The following GRIK4 variants were observed in gnomAD, a reference collection of about 807,000 sequenced individuals.
GRIK4 encodes glutamate receptor ionotropic, kainate 4.
In GRIK4, 40 loss-of-function variants were observed where a neutral mutation model predicts 104.9. The observed-to-expected ratio is 0.38, with a 90% CI of 0.30 to 0.50. The LOEUF (loss-of-function observed/expected upper bound fraction) is 0.50. GRIK4 is among the 20% of genes least tolerant of loss of function. The pLI is 0.93. For synonymous variants in GRIK4, 485 were observed against 524.9 expected (o/e 0.92, Z 1.04); for missense variants, 1,047 against 1,308.1 (o/e 0.80, Z 3.08).
intron 3 of GRIK4, among the ~76,000 whole-genome samples, chr11:120,789,155 G>A (rs1045684390): frequency 3.9e-5 from 6 of 152,074 alleles, no homozygotes; most frequent in Non-Finnish European, 8.8e-5. Flanking sequence ...GGGGACTCCC[G>A]GGTCTCCGTG....
chr11:120,935,648 CA>C (rs1207117789), intron 13 of GRIK4, among the ~76,000 whole-genome samples: 1 of 152,182 alleles, frequency 6.6e-6, no homozygotes, highest in African/African-American at 2.4e-5. Flanking sequence ...GTTGCAATTA[CA>C]GAGTGGTACT....
intron 3 of GRIK4, among the ~76,000 whole-genome samples, chr11:120,668,590 C>T (rs564713242): frequency 5.8e-4 from 89 of 152,236 alleles, no homozygotes; most frequent in Non-Finnish European, 7.3e-5. Flanking sequence ...CCCATGTCTC[C>T]CTCTCCTCTC....
At chr11:120,884,351 G>T (rs1592036153) in intron 11 of GRIK4, among the ~76,000 whole-genome samples, 2 of 152,190 alleles carry the variant, frequency 1.3e-5, no homozygotes, top group Non-Finnish European at 2.9e-5. Flanking sequence ...ATCTTTGTGT[G>T]CCGTATTCCC....
chr11:120,645,676 A>G (rs1324379343), intron 1 of GRIK4, among the ~76,000 whole-genome samples: 1 of 152,136 alleles, frequency 6.6e-6, no homozygotes, highest in Non-Finnish European at 1.5e-5. Context: ...AGATCTGTTG[A>G]GGGACTGGGC....
At chr11:120,514,428 G>C (rs1947699233) in intron 1 of GRIK4, among the ~76,000 whole-genome samples, 1 of 152,190 alleles carries the variant, frequency 6.6e-6, no homozygotes, top group Non-Finnish European at 1.5e-5. Flanking sequence ...CTCCACAGCT[G>C]GGTCCCAGGC....
intron 11 of GRIK4, among the ~76,000 whole-genome samples, chr11:120,883,656 A>C (rs972961685): frequency 1.3e-5 from 2 of 152,228 alleles, no homozygotes; most frequent in Admixed American, 6.5e-5. Context: ...GCTTTGATGG[A>C]AAATTCACTG....
chr11:120,645,643 G>T (rs538291131), intron 1 of GRIK4, among the ~76,000 whole-genome samples: 2 of 152,194 alleles, frequency 1.3e-5, no homozygotes. Context: ...CATGGTTGGT[G>T]TAGGTGATCT....
At chr11:120,788,015 A>G (rs1952323938) in intron 3 of GRIK4, among the ~76,000 whole-genome samples, 1 of 146,706 alleles carries the variant, frequency 6.8e-6, no homozygotes, top group South Asian at 2.2e-4. Context: ...GCAGGCGCAC[A>G]CCACCACGCC....
chr11:120,841,216 C>T (rs1953706582), intron 8 of GRIK4, among the ~76,000 whole-genome samples: 1 of 152,132 alleles, frequency 6.6e-6, no homozygotes. Context: ...ACCTCCAGAA[C>T]ATTTTTCACC....
At position 120,917,247 on chromosome 11, in the gene GRIK4, CAAAAAAAAAAAAA is replaced by C. The variant is rs199620498; in HGVS notation, c.1476+11767_1476+11779del. Among the ~76,000 whole-genome samples, 54 of 34,806 alleles carry C rather than the reference CAAAAAAAAAAAAA, an allele frequency of 1.6e-3. 1 individual carries two copies. The East Asian group carries it at 0.042, about 27-fold the overall frequency. The allele number at this position is 34,806 out of a possible 152,430, so 22.8% of individuals were successfully genotyped here. A position where few individuals can be genotyped will look rare whatever the true frequency, so the allele number is the denominator to read the frequency against. The stretch of plus-strand genomic sequence containing the variant: ...GGGTAACAAGAGCGAAACTCCGTCT[CAAAAAAAAAAAAA>C]AAAAAAAAAAAAGAAAGAAAGAAAG... On this transcript the variant is annotated intron_variant, in intron 13 of 20. Coordinates refer to ENST00000527524, the MANE Select transcript of GRIK4 (RefSeq NM_014619.5).
chr11:120,624,312 T>C (rs905758441), intron 1 of GRIK4, among the ~76,000 whole-genome samples: 1 of 151,910 alleles, frequency 6.6e-6, no homozygotes, highest in Non-Finnish European at 1.5e-5. Context: ...ACCTTCCCCA[T>C]GGGGCCCCAT....
chr11:120,925,991 GAAAAAAAAGA>G (rs1943337426), intron 13 of GRIK4, among the ~76,000 whole-genome samples: 1 of 149,756 alleles, frequency 6.7e-6, no homozygotes, highest in Non-Finnish European at 1.5e-5. Flanking sequence ...AAAAAAGAAA[GAAAAAAAAGA>G]AAAAGAAAGA....
chr11:120,642,153 G>A (rs1271233341), intron 1 of GRIK4, among the ~76,000 whole-genome samples: 1 of 152,180 alleles, frequency 6.6e-6, no homozygotes, highest in Non-Finnish European at 1.5e-5. Context: ...ACAGTGCTGA[G>A]TTATGGAAGA....
At chr11:120,775,673 G>C (rs933631711) in intron 3 of GRIK4, among the ~76,000 whole-genome samples, 1 of 152,240 alleles carries the variant, frequency 6.6e-6, no homozygotes, top group African/African-American at 2.4e-5. Context: ...ACTAATACCC[G>C]TCATATTCAG....
At chr11:120,732,292 C>T (rs577741365) in intron 3 of GRIK4, among the ~76,000 whole-genome samples, 38 of 152,122 alleles carry the variant, frequency 2.5e-4, no homozygotes, top group African/African-American at 6.5e-4. Flanking sequence ...CCACAACACC[C>T]GGCTAATTTT....
chr11:120,957,651 A>G (rs932820045), intron 16 of GRIK4, among the ~76,000 whole-genome samples: 6 of 105,922 alleles, frequency 5.7e-5, no homozygotes, highest in Admixed American at 5.6e-4. Context: ...AGTTTGCAGA[A>G]CACAACTTTT....
At chr11:120,619,730 G>C (rs1036424280) in intron 1 of GRIK4, among the ~76,000 whole-genome samples, 2 of 152,142 alleles carry the variant, frequency 1.3e-5, no homozygotes, top group African/African-American at 2.4e-5. Flanking sequence ...CATGTGAAGT[G>C]CTTGCTCCTC....
At chr11:120,533,876 CAAAACAAAAACA>C (rs761777701) in intron 1 of GRIK4, among the ~76,000 whole-genome samples, 78 of 152,132 alleles carry the variant, frequency 5.1e-4, no homozygotes, top group Non-Finnish European at 7.8e-4. Context: ...GACTGTGTCT[CAAAACAAAAACA>C]AAAACAAAAA....
chr11:120,547,336 C>T (rs938181211), intron 1 of GRIK4, among the ~76,000 whole-genome samples: 1 of 152,240 alleles, frequency 6.6e-6, no homozygotes, highest in African/African-American at 2.4e-5. Flanking sequence ...GTGGATGTCT[C>T]GCCCCTAGCA....
Sources: gnomAD v4.1 joint callset for allele counts (sites outside exome capture counted in the v4.1 genomes callset) on GRCh38, gnomAD v4.1.1 for gene constraint, MANE v1.5 for transcripts, NCBI Gene and HGNC (gene_info 2026-07-23, HGNC 2026-07-21) for gene names.